GAS2: variants seen among roughly 807,000 people sequenced by gnomAD.
GAS2 encodes the protein growth arrest specific 2, also known as growth arrest-specific protein 2.
A neutral mutation model predicts 37.5 loss-of-function variants in GAS2; 20 were observed. That is an observed-to-expected ratio of 0.53 (90% CI 0.37 to 0.77). The LOEUF is 0.77. Ranked by LOEUF, GAS2 falls within the 30% of genes least tolerant of loss-of-function variation. GAS2 has a pLI of 0.00. For missense variants in GAS2, 336 were observed against 373.4 expected (o/e 0.90, Z 0.82); for synonymous variants, 144 against 132.2 (o/e 1.09, Z -0.61).
chr11:22,713,659 T>C (rs1011060728), intron 3 of GAS2, among the ~76,000 whole-genome samples: 3 of 152,272 alleles, frequency 2.0e-5, no homozygotes, highest in Admixed American at 2.0e-4. Flanking sequence ...AACAGGAGAT[T>C]TCTCAGCAGA....
chr11:22,789,450 A>ATATATATATATATG (rs1564889908), intron 7 of GAS2, among the ~76,000 whole-genome samples: 2 of 90,536 alleles, frequency 2.2e-5, no homozygotes, highest in African/African-American at 7.9e-5. Context: ...ATATATATAT[A>ATATATATATATATG]TATATTCTTT....
intron 2 of GAS2, among the ~76,000 whole-genome samples, chr11:22,682,917 G>T (rs1849764480): frequency 6.8e-6 from 1 of 146,244 alleles, no homozygotes; most frequent in South Asian, 2.2e-4. Context: ...GAAAATGCAG[G>T]CCAATATGAT....
chr11:22,636,718 T>C (rs902169465), intron 1 of GAS2, among the ~76,000 whole-genome samples: 1 of 151,910 alleles, frequency 6.6e-6, no homozygotes, highest in African/African-American at 2.4e-5. Flanking sequence ...TTAGTGTCAA[T>C]AGATGAACAT....
intron 7 of GAS2, among the ~76,000 whole-genome samples, chr11:22,757,490 C>T (rs1002567464): frequency 6.6e-6 from 1 of 152,106 alleles, no homozygotes; most frequent in African/African-American, 2.4e-5. Context: ...TGTGCACACT[C>T]AGTTTCTTAC....
chr11:22,699,855 A>T (rs1850741082), intron 3 of GAS2, among the ~76,000 whole-genome samples: 1 of 152,184 alleles, frequency 6.6e-6, no homozygotes, highest in South Asian at 2.1e-4. Flanking sequence ...TTAACATTTC[A>T]GCAAGAAAGA....
chr11:22,766,024 C>A (rs930935171), intron 7 of GAS2, among the ~76,000 whole-genome samples: 2 of 152,132 alleles, frequency 1.3e-5, no homozygotes, highest in East Asian at 3.9e-4. Flanking sequence ...TCACTCAGTG[C>A]GAGAGCTCAC....
At chr11:22,680,580 T>C (rs1849632312) in intron 2 of GAS2, among the ~76,000 whole-genome samples, 1 of 152,150 alleles carries the variant, frequency 6.6e-6, no homozygotes, top group African/African-American at 2.4e-5. Flanking sequence ...ATTAAAAATA[T>C]ACCAACTTTC....
intron 3 of GAS2, among the ~76,000 whole-genome samples, chr11:22,716,032 G>T (rs1254528383): frequency 6.6e-6 from 1 of 152,104 alleles, no homozygotes; most frequent in Non-Finnish European, 1.5e-5. Context: ...GGATGCAGGG[G>T]TGGTTTAAGA....
intron 3 of GAS2, among the ~76,000 whole-genome samples, chr11:22,708,225 A>T (rs916751342): frequency 6.6e-6 from 1 of 152,178 alleles, no homozygotes; most frequent in Non-Finnish European, 1.5e-5. Flanking sequence ...ATGACTTGAT[A>T]GATGTACTGA....
intron 1 of GAS2, chr11:22,626,043 G>A (rs558879990): frequency 1.6e-5 from 9 of 576,986 alleles, no homozygotes; most frequent in Middle Eastern, 4.8e-4. Context: ...GCAGATGTAG[G>A]GCATCCTACC....
At position 22,679,736 on chromosome 11, in the gene GAS2, G is replaced by C. The variant is rs192042785; in HGVS notation, c.145+4722G>C. Reference sequence around the variant, plus strand: ...AGCATATTTTAAAGAAAGGATTATAGTTGTTAAACATGAAATAAAATTGTT... The same window carrying C: ...AGCATATTTTAAAGAAAGGATTATACTTGTTAAACATGAAATAAAATTGTT... On this transcript the variant is annotated intron_variant, in intron 2 of 7. Transcript: ENST00000454584. 2.6e-5 allele frequency among the ~76,000 whole-genome samples: 4 copies of C among 152,128 alleles called. No individual in the cohort carries two copies. In the East Asian group the frequency reaches 7.7e-4, roughly 29 times the overall value.
intron 3 of GAS2, among the ~76,000 whole-genome samples, chr11:22,690,579 T>G (rs1313979568): frequency 6.6e-6 from 1 of 152,194 alleles, no homozygotes; most frequent in Non-Finnish European, 1.5e-5. Context: ...TTATACATAC[T>G]ATAATATTAT....
intron 3 of GAS2, among the ~76,000 whole-genome samples, chr11:22,698,289 A>T (rs1173345887): frequency 6.6e-6 from 1 of 152,158 alleles, no homozygotes; most frequent in African/African-American, 2.4e-5. Context: ...TAAATTCCTC[A>T]ACACAGTCAC....
chr11:22,650,976 T>G (rs1156537266), intron 1 of GAS2, among the ~76,000 whole-genome samples: 4 of 152,168 alleles, frequency 2.6e-5, no homozygotes, highest in Non-Finnish European at 4.4e-5. Context: ...GTTAGCTGGT[T>G]ATTTTGCTCA....
chr11:22,788,346 T>C lies in GAS2; in HGVS notation c.724-23452T>C, dbSNP rs376090333. ...ATATGAACAATCATATGATATAGAA[T>C]AGGATTTTTCAAACTCAGGCTCTTG... On this transcript the variant is annotated intron_variant, in intron 7 of 7. Transcript: ENST00000454584. Among the ~76,000 whole-genome samples the C allele has an allele frequency of 3.9e-5, 6 of 152,288 alleles. No individual in the cohort carries two copies. The South Asian group carries it at 6.2e-4, about 16-fold the overall frequency.
At chr11:22,759,627 A>G (rs1013789266) in intron 7 of GAS2, among the ~76,000 whole-genome samples, 21 of 152,196 alleles carry the variant, frequency 1.4e-4, no homozygotes, top group African/African-American at 5.1e-4. Context: ...CAAGATATAA[A>G]TATTTCAGTT....
Position 22,810,278 on chromosome 11 carries a change from G to A in GAS2, c.724-1520G>A, listed in dbSNP as rs371326308. Among the ~76,000 whole-genome samples the A allele has an allele frequency of 7.3e-4, 111 of 152,296 alleles. 2 individuals are homozygous for A. The South Asian group carries it at 7.7e-3, about 11-fold the overall frequency. ...ACAGGAAGCACATGGTCTATTAGGC[G>A]ATCACAACAGATGAGGGGTCTCATG... On this transcript the variant is annotated intron_variant, in intron 7 of 7. Coordinates refer to ENST00000454584, the MANE Select transcript of GAS2 (RefSeq NM_001143830.3).
At chr11:22,638,873 CCAGAAAT>C (rs1232348698) in intron 1 of GAS2, among the ~76,000 whole-genome samples, 1 of 152,022 alleles carries the variant, frequency 6.6e-6, no homozygotes, top group Non-Finnish European at 1.5e-5. Context: ...TTTTCCTCAT[CCAGAAAT>C]CTACTTTTTG....
chr11:22,712,500 G>C (rs1851456284), intron 3 of GAS2, among the ~76,000 whole-genome samples: 1 of 152,162 alleles, frequency 6.6e-6, no homozygotes, highest in African/African-American at 2.4e-5. Context: ...AGAAGAAAGG[G>C]GAGAGCACCA....
Sources: gnomAD v4.1 joint callset for allele counts (sites outside exome capture counted in the v4.1 genomes callset) on GRCh38, gnomAD v4.1.1 for gene constraint, MANE v1.5 for transcripts, NCBI Gene and HGNC (gene_info 2026-07-23, HGNC 2026-07-21) for gene names.